TTC3: variants seen among roughly 807,000 people sequenced by gnomAD.
TTC3 encodes the protein E3 ubiquitin-protein ligase TTC3.
Under a neutral mutation model 249.6 loss-of-function variants are expected in TTC3, and 180 were observed. That is an observed-to-expected ratio of 0.72 (90% CI 0.64 to 0.82). The LOEUF is 0.82. Ranked by LOEUF, TTC3 falls within the 40% of genes least tolerant of loss-of-function variation. TTC3 has a pLI of 0.00. For missense variants in TTC3, 2,061 were observed against 2,398.4 expected (o/e 0.86, Z 2.94); for synonymous variants, 717 against 805.0 (o/e 0.89, Z 1.85).
chr21:37,200,570 T>C (rs1377526322), intron 45 of TTC3, among the ~76,000 whole-genome samples: 1 of 150,784 alleles, frequency 6.6e-6, no homozygotes, highest in Non-Finnish European at 1.5e-5. Context: ...AGCCACTCGT[T>C]AGTGCTGAGA....
chr21:37,177,748 A>G (rs1417644556), intron 35 of TTC3, among the ~76,000 whole-genome samples: 1 of 152,174 alleles, frequency 6.6e-6, no homozygotes, highest in African/African-American at 2.4e-5. Flanking sequence ...GCTTGCTTAC[A>G]GGCCTTTGTT....
intron 2 of TTC3, 45 bp from the exon 3 acceptor site, chr21:37,087,788 G>A: frequency 1.4e-6 from 2 of 1,446,196 alleles, no homozygotes. Context: ...TAAAAATCAA[G>A]AACATTTTAC....
chr21:37,099,002 G>A (rs1894842213), intron 10 of TTC3: 1 of 152,180 alleles, frequency 6.6e-6, no homozygotes, highest in Non-Finnish European at 1.5e-5. Flanking sequence ...CTCCTCAGCT[G>A]TTCTGGAAGG....
At position 37,124,606 on chromosome 21, in the gene TTC3, T is replaced by C; in HGVS notation, c.1110-13T>C. On this transcript the variant is annotated splice_polypyrimidine_tract_variant and intron_variant, in intron 13 of 45. Coordinates refer to ENST00000355666, the Ensembl canonical transcript of TTC3. ...CAAAAAATGTATAATAATTCCTTTT[T>C]TCCCCCACTTAGGGCCTACACACCT... The C allele has an allele frequency of 6.2e-7, 1 of 1,605,304 alleles. No individual in the cohort carries two copies. The highest frequency in any genetic ancestry group is 1.1e-5 in the South Asian group (1 of 89,038).
chr21:37,088,769 A>T, intron 4 of TTC3, 30 bp from the exon 5 acceptor site: 1 of 1,579,626 alleles, frequency 6.3e-7, no homozygotes, highest in Non-Finnish European at 8.6e-7. Context: ...ATGAGAATCT[A>T]ATCTTTTAAA....
intron 12 of TTC3, 21 bp from the exon 13 acceptor site, chr21:37,122,962 T>C (rs1192952852): frequency 6.8e-7 from 1 of 1,461,026 alleles, no homozygotes; most frequent in South Asian, 1.2e-5. Context: ...TATGTGTGTG[T>C]GTGTGTGATG....
chr21:37,162,572 C>T (rs776759880), intron 31 of TTC3, among the ~76,000 whole-genome samples: 1 of 151,968 alleles, frequency 6.6e-6, no homozygotes, highest in Non-Finnish European at 1.5e-5. Context: ...GTAGCAGTAA[C>T]CTTTTTATAT....
intron 11 of TTC3, among the ~76,000 whole-genome samples, chr21:37,118,464 G>C (rs1320003221): frequency 3.3e-5 from 5 of 152,160 alleles, no homozygotes. Context: ...GTGCAGGTCT[G>C]TGAGCATTGT....
At chr21:37,088,518 G>A (rs2072816807) in intron 4 of TTC3, among the ~76,000 whole-genome samples, 172 bp downstream of exon 4, 1 of 152,200 alleles carries the variant, frequency 6.6e-6, no homozygotes, top group Non-Finnish European at 1.5e-5. Context: ...ATGAATAATT[G>A]TAACATAATC....
chr21:37,131,876 C>T (rs2077500038), intron 16 of TTC3, among the ~76,000 whole-genome samples: 1 of 152,124 alleles, frequency 6.6e-6, no homozygotes, highest in African/African-American at 2.4e-5. Context: ...ACATCGAGTG[C>T]CTCAGATTTT....
At chr21:37,159,420 G>A in intron 28 of TTC3, 1 of 371,058 alleles carries the variant, frequency 2.7e-6, no homozygotes, top group Non-Finnish European at 4.8e-6. Flanking sequence ...GGTAGGGACT[G>A]TCTTGTGCAT....
chr21:37,196,342 T>G (rs2084913557), intron 42 of TTC3, among the ~76,000 whole-genome samples: 1 of 151,668 alleles, frequency 6.6e-6, no homozygotes, highest in Admixed American at 6.6e-5. Flanking sequence ...GTTCAAGCGA[T>G]TCTCCTGCCT....
chr21:37,180,703 A>G (rs181955435), intron 35 of TTC3, among the ~76,000 whole-genome samples: 7 of 151,070 alleles, frequency 4.6e-5, no homozygotes, highest in African/African-American at 1.7e-4. Flanking sequence ...TGGCACATGT[A>G]TACATATGTA....
intron 35 of TTC3, among the ~76,000 whole-genome samples, chr21:37,175,553 C>A: frequency 7.2e-6 from 1 of 138,122 alleles, no homozygotes. Context: ...GCCAAGATCG[C>A]ACCATTGCAC....
intron 35 of TTC3, among the ~76,000 whole-genome samples, chr21:37,175,208 G>A (rs984392893): frequency 1.3e-4 from 19 of 141,552 alleles, no homozygotes; most frequent in Non-Finnish European, 2.4e-4. Flanking sequence ...AGCTTGCACC[G>A]AGCCGAGATC....
intron 19 of TTC3, among the ~76,000 whole-genome samples, chr21:37,140,123 C>T (rs375403360): frequency 7.2e-5 from 11 of 152,242 alleles, no homozygotes; most frequent in Admixed American, 2.0e-4. Flanking sequence ...AGCTTTCATC[C>T]GTCTTGTGCC....
intron 17 of TTC3, among the ~76,000 whole-genome samples, chr21:37,134,117 A>T (rs2077709690): frequency 6.6e-6 from 1 of 152,094 alleles, no homozygotes. Context: ...TTCTATGCAT[A>T]TTCTGGGGAG....
At chr21:37,093,732 T>A (rs906176587) in intron 7 of TTC3, among the ~76,000 whole-genome samples, 3 of 152,018 alleles carry the variant, frequency 2.0e-5, no homozygotes, top group Admixed American at 6.6e-5. Context: ...AATATAATAA[T>A]AAATAAAGGT....
exon 2 of TTC3, chr21:37,087,351 T>C (rs766442874): frequency 6.2e-7 from 1 of 1,614,038 alleles, no homozygotes; most frequent in Non-Finnish European, 8.5e-7. Context: ...TGCTGCTGAA[T>C]TTATGAGCAA....
Sources: gnomAD v4.1 joint callset for allele counts (sites outside exome capture counted in the v4.1 genomes callset) on GRCh38, gnomAD v4.1.1 for gene constraint, MANE v1.5 for transcripts, NCBI Gene and HGNC (gene_info 2026-07-23, HGNC 2026-07-21) for gene names.